Variants in CRPPA observed in about 807,000 individuals in gnomAD.
CRPPA encodes the protein D-ribitol-5-phosphate cytidylyltransferase.
Under a neutral mutation model 52.0 loss-of-function variants are expected in CRPPA, and 43 were observed. The ratio of observed to expected loss-of-function variants is 0.83; its 90% CI spans 0.65 to 1.07. The LOEUF is 1.07. CRPPA is among the 50% of genes least tolerant of loss of function. The probability of loss-of-function intolerance (pLI) is 0.00; values close to 1 mark genes in which losing one functional copy is unlikely to be tolerated. For synonymous variants in CRPPA, 250 were observed against 203.5 expected, an observed-to-expected ratio of 1.23 and a Z score of -1.94; for missense variants, 629 against 551.7, an observed-to-expected ratio of 1.14 and a Z score of -1.40.
At chr7:16,286,097 A>AATAT (rs71007759) in intron 5 of CRPPA, among the ~76,000 whole-genome samples, 3,382 of 39,026 alleles carry the variant, frequency 0.087, 460 homozygotes, top group East Asian at 0.12. Context: ...TAAAAAAAAA[A>AATAT]ATATATATAT....
rs1043117350 is a variant in CRPPA at position 16,133,159 on chromosome 7, A to G, written c.1252-41360T>C. ...GTGAAATCCCATCTCTACTAAAAAT[A>G]AAAAAAAGTTAGTTGGGTATGGTGG... On this transcript the variant is annotated intron_variant, in intron 9 of 9. Coordinates refer to ENST00000407010, the MANE Select transcript of CRPPA (RefSeq NM_001101426.4). Among the ~76,000 whole-genome samples the G allele has an allele frequency of 1.6e-5, 2 of 121,602 alleles. 1 individual carries two copies. The highest frequency in any genetic ancestry group is 3.7e-5 in the Non-Finnish European group (2 of 53,782). The allele number at this position is 121,602 out of a possible 152,430, so 79.8% of individuals were successfully genotyped here.
At chr7:16,254,800 A>AGAAAGAAAGAAG (rs1562588622) in intron 8 of CRPPA, among the ~76,000 whole-genome samples, 8 of 80,114 alleles carry the variant, frequency 1.0e-4, no homozygotes, top group African/African-American at 2.8e-4. Flanking sequence ...AAGGAAAGAA[A>AGAAAGAAAGAAG]GAAAGAAAGA....
chr7:16,248,365 T>G (rs369687961), intron 8 of CRPPA, among the ~76,000 whole-genome samples: 38 of 152,148 alleles, frequency 2.5e-4, no homozygotes, highest in African/African-American at 8.7e-4. Flanking sequence ...AGAGCCTATG[T>G]GCCTGTCTTT....
At chr7:16,224,373 C>G (rs1350491734) in intron 8 of CRPPA, among the ~76,000 whole-genome samples, 1 of 152,122 alleles carries the variant, frequency 6.6e-6, no homozygotes, top group East Asian at 1.9e-4. Context: ...CCACATTTAA[C>G]ACTTTCGTCT....
chr7:16,116,850 T>G (rs1405591), intron 9 of CRPPA, among the ~76,000 whole-genome samples: 50,373 of 151,966 alleles, frequency 0.33, 9,769 homozygotes, highest in South Asian at 0.56. Context: ...TGAATAAGAT[T>G]TGTAGCTTAC....
Position 16,286,074 on chromosome 7 carries a change from T to A in CRPPA, c.836-7848A>T, listed in dbSNP as rs1562608581. Among the ~76,000 whole-genome samples the A allele has an allele frequency of 7.5e-4, 14 of 18,684 alleles. 1 individual carries two copies. Among genetic ancestry groups the A allele is most frequent in the African/African-American group, 4.4e-3 (11 of 2,526 alleles). 12.3% of individuals were successfully genotyped at this position (18,684 alleles called of 152,430 possible). A position where few individuals can be genotyped will look rare whatever the true frequency, so the allele number is the denominator to read the frequency against. ...ATATATATATATATATATATATATATATATATAATATTTAAAAAAAAAAAT... is the reference window on the plus strand; with the variant it reads ...ATATATATATATATATATATATATAAATATATAATATTTAAAAAAAAAAAT... On this transcript the variant is annotated intron_variant, in intron 5 of 9. Coordinates refer to ENST00000407010, the MANE Select transcript of CRPPA (RefSeq NM_001101426.4).
chr7:16,347,767 T>A (rs1413269612), intron 3 of CRPPA, among the ~76,000 whole-genome samples: 1 of 152,096 alleles, frequency 6.6e-6, no homozygotes, highest in Non-Finnish European at 1.5e-5. Flanking sequence ...CACTGTACCA[T>A]AAAATTGAAA....
intron 2 of CRPPA, among the ~76,000 whole-genome samples, chr7:16,396,136 G>A (rs1384491956): frequency 6.6e-6 from 1 of 152,108 alleles, no homozygotes; most frequent in African/African-American, 2.4e-5. Context: ...CAATACTATG[G>A]TATCCAATAA....
intron 2 of CRPPA, among the ~76,000 whole-genome samples, chr7:16,400,381 C>T (rs115127504): frequency 0.02 from 3,042 of 152,276 alleles, 95 homozygotes; most frequent in African/African-American, 0.07. Flanking sequence ...TTGTGACACA[C>T]TGACCTGGTT....
intron 2 of CRPPA, among the ~76,000 whole-genome samples, chr7:16,396,697 G>A (rs1787582855): frequency 6.6e-6 from 1 of 152,152 alleles, no homozygotes; most frequent in Admixed American, 6.5e-5. Context: ...TCAATGAGTA[G>A]ATAGAGAAAA....
chr7:16,378,514 T>G (rs1432881994), intron 2 of CRPPA, among the ~76,000 whole-genome samples: 1 of 152,028 alleles, frequency 6.6e-6, no homozygotes, highest in African/African-American at 2.4e-5. Flanking sequence ...CTATCATTGT[T>G]GGACATTTGG....
intron 8 of CRPPA, among the ~76,000 whole-genome samples, chr7:16,254,880 C>G (rs570943495): frequency 6.6e-6 from 1 of 151,224 alleles, no homozygotes; most frequent in African/African-American, 2.4e-5. Flanking sequence ...GAGGCAGGCA[C>G]AAGATAAGGA....
At chr7:16,293,696 A>G (rs1188939289) in intron 5 of CRPPA, among the ~76,000 whole-genome samples, 1 of 152,016 alleles carries the variant, frequency 6.6e-6, no homozygotes, top group Non-Finnish European at 1.5e-5. Flanking sequence ...TGGTCTTCTG[A>G]AAAGCTAACA....
At chr7:16,191,686 T>A (rs188973530) in intron 9 of CRPPA, among the ~76,000 whole-genome samples, 7 of 152,244 alleles carry the variant, frequency 4.6e-5, no homozygotes, top group Non-Finnish European at 7.4e-5. Flanking sequence ...CTTCCTTTAG[T>A]GAAATGTGCT....
intron 3 of CRPPA, among the ~76,000 whole-genome samples, chr7:16,318,022 A>T (rs979482973): frequency 6.6e-6 from 1 of 152,096 alleles, no homozygotes; most frequent in African/African-American, 2.4e-5. Flanking sequence ...TACTTCTCTC[A>T]TGGCTCCTCT....
chr7:16,282,362 T>C (rs1784337019), intron 5 of CRPPA, among the ~76,000 whole-genome samples: 1 of 152,114 alleles, frequency 6.6e-6, no homozygotes, highest in Non-Finnish European at 1.5e-5. Flanking sequence ...ATGTAGAATT[T>C]TATTGTTTTT....
At chr7:16,126,090 C>T (rs886736969) in intron 9 of CRPPA, among the ~76,000 whole-genome samples, 1 of 152,026 alleles carries the variant, frequency 6.6e-6, no homozygotes, top group African/African-American at 2.4e-5. Flanking sequence ...AAAGCCAATA[C>T]TGGGTTTATT....
chr7:16,232,899 A>C (rs1782844540), intron 8 of CRPPA, among the ~76,000 whole-genome samples: 1 of 152,148 alleles, frequency 6.6e-6, no homozygotes, highest in Admixed American at 6.6e-5. Flanking sequence ...CCCAACTGAC[A>C]CCAATATTAG....
At chr7:16,263,823 G>T (rs1453208594) in intron 6 of CRPPA, among the ~76,000 whole-genome samples, 1 of 151,260 alleles carries the variant, frequency 6.6e-6, no homozygotes, top group African/African-American at 2.4e-5. Flanking sequence ...TAGTGTTATT[G>T]TAATTGTAAT....
Sources: allele counts gnomAD v4.1 joint callset (sites outside exome capture counted in the v4.1 genomes callset), GRCh38; gene constraint gnomAD v4.1.1; transcripts MANE v1.5; gene names NCBI Gene and HGNC (gene_info 2026-07-23, HGNC 2026-07-21).